MPP7: variants seen among roughly 807,000 people sequenced by gnomAD.
MPP7 encodes MAGUK p55 subfamily member 7.
In MPP7, 60 loss-of-function variants were observed where a neutral mutation model predicts 76.5. That is an observed-to-expected ratio of 0.78 (90% confidence interval 0.64 to 0.97). MPP7 has a LOEUF of 0.97. Among genes scored for constraint, MPP7 ranks in the 50% least tolerant of loss-of-function variants. The pLI is 0.00. For synonymous variants in MPP7, 237 were observed against 244.5 expected (o/e 0.97, Z 0.29); for missense variants, 641 against 694.0 (o/e 0.92, Z 0.86).
chr10:28,144,266 T>C (rs913691570), intron 5 of MPP7, among the ~76,000 whole-genome samples: 4 of 151,482 alleles, frequency 2.6e-5, no homozygotes, highest in Admixed American at 6.6e-5. Context: ...GTCTGTAGAC[T>C]ACATAGGGAG....
At chr10:28,151,368 A>C (rs1050468610) in intron 3 of MPP7, among the ~76,000 whole-genome samples, 2 of 152,238 alleles carry the variant, frequency 1.3e-5, no homozygotes, top group African/African-American at 4.8e-5. Flanking sequence ...ATTTGATTTG[A>C]GAAACTATGA....
At chr10:28,123,947 C>A (rs1421368757) in intron 8 of MPP7, 84 bp downstream of exon 8, 3 of 908,450 alleles carry the variant, frequency 3.3e-6, no homozygotes, top group South Asian at 1.4e-5. Flanking sequence ...CAAATCCTGT[C>A]TATGTCAAAC....
At chr10:28,279,929 G>A (rs1840618684) in intron 1 of MPP7, among the ~76,000 whole-genome samples, 1 of 152,028 alleles carries the variant, frequency 6.6e-6, no homozygotes, top group African/African-American at 2.4e-5. Flanking sequence ...ACTGTCATGA[G>A]CCAAGGTAAG....
At chr10:28,201,392 T>C (rs1363293438) in intron 3 of MPP7, among the ~76,000 whole-genome samples, 2 of 152,210 alleles carry the variant, frequency 1.3e-5, no homozygotes, top group Non-Finnish European at 2.9e-5. Flanking sequence ...ATTGAGGCAC[T>C]GGTTTCTACC....
intron 3 of MPP7, among the ~76,000 whole-genome samples, chr10:28,174,376 C>G (rs996158033): frequency 6.6e-6 from 1 of 152,148 alleles, no homozygotes; most frequent in African/African-American, 2.4e-5. Flanking sequence ...AGTTCTCACT[C>G]TTAGCTCCCA....
intron 1 of MPP7, among the ~76,000 whole-genome samples, chr10:28,261,768 A>T (rs1839956914): frequency 6.6e-6 from 1 of 152,152 alleles, no homozygotes; most frequent in Admixed American, 6.6e-5. Flanking sequence ...ATTTTTGGCC[A>T]GGTGCCAATG....
intron 3 of MPP7, among the ~76,000 whole-genome samples, chr10:28,186,583 T>C (rs533302991): frequency 4.7e-4 from 72 of 152,308 alleles, no homozygotes; most frequent in African/African-American, 1.6e-3. Context: ...CTGTGGGAAA[T>C]GGACTTTGAG....
chr10:28,243,741 C>T (rs185779291), intron 1 of MPP7, among the ~76,000 whole-genome samples: 1 of 152,014 alleles, frequency 6.6e-6, no homozygotes, highest in African/African-American at 2.4e-5. Flanking sequence ...CCGGAACATA[C>T]AGCAACAAAA....
chr10:28,248,284 A>AC (rs1266655130), intron 1 of MPP7, among the ~76,000 whole-genome samples: 2 of 152,126 alleles, frequency 1.3e-5, no homozygotes, highest in African/African-American at 4.8e-5. Context: ...TAGAAGGGGA[A>AC]CCTGGCTGGG....
chr10:28,104,775 A>T (rs10826397), intron 11 of MPP7, among the ~76,000 whole-genome samples: 17,368 of 150,486 alleles, frequency 0.12, 1,656 homozygotes, highest in East Asian at 0.51. Flanking sequence ...ATACCGTATG[A>T]CTCTCTTCTC....
chr10:28,254,718 C>T (rs1377133151), intron 1 of MPP7: 1 of 152,154 alleles, frequency 6.6e-6, no homozygotes, highest in Non-Finnish European at 1.5e-5. Flanking sequence ...GTTATCTGCA[C>T]TCTAGATAGG....
At position 28,102,055 on chromosome 10, in the gene MPP7, T is replaced by C. The variant is rs569591412; in HGVS notation, c.953-12214A>G. Among the ~76,000 whole-genome samples the C allele has an allele frequency of 2.0e-5, 3 of 150,856 alleles. No homozygotes were observed. The East Asian group carries it at 6.2e-4, about 31-fold the overall frequency. Reference sequence around the variant, plus strand: ...CTTTATATACAGGCAGCCCTTGACTTGCGGACATTCAACTTTAAATGGTGT... The same window carrying C: ...CTTTATATACAGGCAGCCCTTGACTCGCGGACATTCAACTTTAAATGGTGT... On this transcript the variant is annotated intron_variant, in intron 11 of 16. Coordinates refer to ENST00000683449, the MANE Select transcript of MPP7 (RefSeq NM_001318170.2).
intron 1 of MPP7, among the ~76,000 whole-genome samples, chr10:28,286,357 AT>A (rs1840791437): frequency 1.3e-5 from 2 of 151,908 alleles, no homozygotes; most frequent in Admixed American, 6.6e-5. Flanking sequence ...AAAAAAAATA[AT>A]AATAAAAAAT....
chr10:28,112,790 T>A (rs1834544397), intron 11 of MPP7, among the ~76,000 whole-genome samples: 1 of 152,160 alleles, frequency 6.6e-6, no homozygotes, highest in African/African-American at 2.4e-5. Flanking sequence ...ACAAACTTAT[T>A]TAATTCCCCA....
At chr10:28,320,625 T>G (rs786392) in intron 2 of MPP7, among the ~76,000 whole-genome samples, 56,534 of 151,790 alleles carry the variant, frequency 0.37, 11,583 homozygotes, top group African/African-American at 0.54. Flanking sequence ...GGGGTCAACT[T>G]GAAATCACTA....
chr10:28,300,881 C>G (rs906266556), intron 1 of MPP7, among the ~76,000 whole-genome samples: 16 of 151,132 alleles, frequency 1.1e-4, no homozygotes, highest in Non-Finnish European at 2.1e-4. Flanking sequence ...ATCACTTGAA[C>G]CAGGGAGGCA....
In MPP7 at chr10:28,053,264, A is replaced by T. The variant is rs1486508463; in HGVS notation, c.*801T>A. ...AAATAACATTTTGGGTGACTTCATA[A>T]ATTGTCTTCTGAGGAATTACAAATA... On this transcript the variant is annotated 3_prime_UTR_variant, in exon 17 of 17. Coordinates refer to ENST00000683449, the MANE Select transcript of MPP7 (RefSeq NM_001318170.2). 6.6e-6 allele frequency: 1 copy of T among 152,186 alleles called. No individual in the cohort carries two copies. The highest frequency in any genetic ancestry group is 2.1e-4 in the South Asian group (1 of 4,830). 9.4% of individuals were successfully genotyped at this position (152,186 alleles called of 1,614,324 possible).
chr10:28,114,207 T>C (rs1288747504), intron 11 of MPP7, among the ~76,000 whole-genome samples: 1 of 152,194 alleles, frequency 6.6e-6, no homozygotes, highest in Non-Finnish European at 1.5e-5. Flanking sequence ...AGCCAGCAGT[T>C]TGAGATCAGC....
chr10:28,166,502 G>C (rs1442024362), intron 3 of MPP7, among the ~76,000 whole-genome samples: 1 of 148,268 alleles, frequency 6.7e-6, no homozygotes, highest in Admixed American at 6.9e-5. Flanking sequence ...CCACCTCCCA[G>C]GTTCAAGTGA....
Sources: gnomAD v4.1 joint callset for allele counts (sites outside exome capture counted in the v4.1 genomes callset) on GRCh38, gnomAD v4.1.1 for gene constraint, MANE v1.5 for transcripts, NCBI Gene and HGNC (gene_info 2026-07-23, HGNC 2026-07-21) for gene names.